CFAP96: variants seen among roughly 807,000 people sequenced by gnomAD.
CFAP96 encodes the protein cilia and flagella associated protein 96.
chr4:185,410,417 A>G, the CFAP96 span, among the ~76,000 whole-genome samples: 1 of 152,194 alleles, frequency 6.6e-6, no homozygotes, highest in East Asian at 1.9e-4. Flanking sequence ...TGGGAGGCCG[A>G]GTGGGTAGAT....
chr4:185,434,976 G>A, the CFAP96 span, among the ~76,000 whole-genome samples: 21 of 151,988 alleles, frequency 1.4e-4, no homozygotes, highest in South Asian at 8.3e-4. Flanking sequence ...CCTGACCTCA[G>A]GTGATCTGCC....
the CFAP96 span, chr4:185,429,446 G>A: frequency 6.5e-7 from 1 of 1,539,450 alleles, no homozygotes; most frequent in Non-Finnish European, 8.7e-7. Flanking sequence ...GACATGGAAA[G>A]GATTGGCCTC....
At chr4:185,409,824 TAGG>T in the CFAP96 span, among the ~76,000 whole-genome samples, 1 of 152,148 alleles carries the variant, frequency 6.6e-6, no homozygotes, top group Non-Finnish European at 1.5e-5. Context: ...GAGAGGGGCA[TAGG>T]AGGAGAAGGT....
the CFAP96 span, chr4:185,418,466 T>C: frequency 0.021 from 34,059 of 1,609,960 alleles, 454 homozygotes; most frequent in Middle Eastern, 0.039. Flanking sequence ...TTTGTCCTTC[T>C]TTCTCATGAA....
the CFAP96 span, among the ~76,000 whole-genome samples, chr4:185,424,250 G>C: frequency 6.6e-6 from 1 of 151,996 alleles, no homozygotes. Flanking sequence ...ATGCTACAGT[G>C]AGCCATGATC....
At chr4:185,413,781 C>A in the CFAP96 span, 1 of 1,613,522 alleles carries the variant, frequency 6.2e-7, no homozygotes, top group Non-Finnish European at 8.5e-7. Context: ...TCTAATGTAA[C>A]CATCTTTGTA....
the CFAP96 span, among the ~76,000 whole-genome samples, chr4:185,438,254 C>T: frequency 6.6e-6 from 1 of 152,094 alleles, no homozygotes; most frequent in Non-Finnish European, 1.5e-5. Context: ...AATTTACCAA[C>T]ACCCTATTAA....
chr4:185,412,903 TCCA>T, the CFAP96 span, among the ~76,000 whole-genome samples: 4 of 152,008 alleles, frequency 2.6e-5, no homozygotes, highest in African/African-American at 9.7e-5. Flanking sequence ...AAGTAACCCT[TCCA>T]CCACCCTCCG....
At chr4:185,445,580 C>A in the CFAP96 span, 1 of 1,249,518 alleles carries the variant, frequency 8.0e-7, no homozygotes, top group Non-Finnish European at 1.2e-6. Context: ...ATTAAAAATG[C>A]CAACATAACT....
the CFAP96 span, among the ~76,000 whole-genome samples, chr4:185,447,924 A>C: frequency 3.6e-4 from 55 of 152,344 alleles, no homozygotes; most frequent in African/African-American, 1.3e-3. Context: ...AGTCCTTCTT[A>C]GCTGCAATAA....
the CFAP96 span, chr4:185,408,477 T>C: frequency 6.3e-7 from 1 of 1,576,820 alleles, no homozygotes; most frequent in Non-Finnish European, 8.7e-7. Flanking sequence ...TAACTTAGGA[T>C]AGAAGTACAT....
chr4:185,415,732 C>G, the CFAP96 span: 1 of 1,609,874 alleles, frequency 6.2e-7, no homozygotes. Flanking sequence ...TCTTCTGGAG[C>G]AACAGATATA....
chr4:185,423,432 A>G, the CFAP96 span, among the ~76,000 whole-genome samples: 5 of 152,242 alleles, frequency 3.3e-5, no homozygotes, highest in Non-Finnish European at 7.3e-5. Context: ...AGTAAGAATC[A>G]AAGGTTTATA....
At chr4:185,441,166 T>C in the CFAP96 span, among the ~76,000 whole-genome samples, 1 of 152,136 alleles carries the variant, frequency 6.6e-6, no homozygotes, top group Non-Finnish European at 1.5e-5. Flanking sequence ...GTCTAGTTTT[T>C]CTTAAAACCA....
At chr4:185,440,053 T>TTA in the CFAP96 span, among the ~76,000 whole-genome samples, 1 of 149,590 alleles carries the variant, frequency 6.7e-6, no homozygotes, top group Non-Finnish European at 1.5e-5. Context: ...TATAAAAATG[T>TTA]TATATACGTA....
At chr4:185,443,641 G>A in the CFAP96 span, among the ~76,000 whole-genome samples, 1 of 151,556 alleles carries the variant, frequency 6.6e-6, no homozygotes, top group African/African-American at 2.4e-5. Flanking sequence ...GAGCCACAGT[G>A]CCTGGCCTAT....
chr4:185,430,567 A>G, the CFAP96 span, among the ~76,000 whole-genome samples: 1 of 152,196 alleles, frequency 6.6e-6, no homozygotes, highest in Admixed American at 6.5e-5. Context: ...GAAAATGTTT[A>G]TACTTTTGAA....
At chr4:185,412,605 G>A in the CFAP96 span, among the ~76,000 whole-genome samples, 5 of 152,100 alleles carry the variant, frequency 3.3e-5, no homozygotes, top group African/African-American at 1.2e-4. Context: ...GGCATACACT[G>A]GGCAGCTGAG....
the CFAP96 span, among the ~76,000 whole-genome samples, chr4:185,423,956 C>G: frequency 6.6e-6 from 1 of 152,036 alleles, no homozygotes; most frequent in Non-Finnish European, 1.5e-5. Flanking sequence ...CACACTAAGA[C>G]CCCTATTTTG....
Sources: allele counts gnomAD v4.1 joint callset (sites outside exome capture counted in the v4.1 genomes callset), GRCh38; gene constraint gnomAD v4.1.1; transcripts MANE v1.5; gene names NCBI Gene and HGNC (gene_info 2026-07-23, HGNC 2026-07-21).